RAVER1: variants seen among roughly 807,000 people sequenced by gnomAD.
RAVER1 encodes ribonucleoprotein PTB-binding 1.
In RAVER1, 36 loss-of-function variants were observed where a neutral mutation model predicts 68.4. That is an observed-to-expected ratio of 0.53 (90% CI 0.40 to 0.70). The LOEUF is 0.70. Among genes scored for constraint, RAVER1 ranks in the 30% least tolerant of loss-of-function variants. The pLI, the probability that RAVER1 is intolerant of heterozygous loss-of-function variation, is 0.00. For synonymous variants in RAVER1, 469 were observed against 472.7 expected, an observed-to-expected ratio of 0.99 and a Z score of 0.10; for missense variants, 933 against 1,019.8, an observed-to-expected ratio of 0.91 and a Z score of 1.16.
intron 3 of RAVER1, among the ~76,000 whole-genome samples, chr19:10,325,155 G>A (rs530265631): frequency 5.3e-5 from 8 of 152,150 alleles, no homozygotes; most frequent in Non-Finnish European, 1.2e-4. Context: ...CGAGTAGCTG[G>A]GATTAAAGGC....
intron 3 of RAVER1, among the ~76,000 whole-genome samples, chr19:10,325,673 T>C (rs977254985): frequency 6.6e-6 from 1 of 152,052 alleles, no homozygotes; most frequent in African/African-American, 2.4e-5. Flanking sequence ...CAGCTGGGCA[T>C]GGTGATGCAT....
rs1345152379 is a variant in RAVER1, at chr19:10,328,752, C to A, written c.646G>T (p.Ala216Ser). Residue 216 changes from alanine (A) to serine (S), a missense_variant, in exon 3 of 13, where the codon GCC becomes TCC. Physicochemically the swap from Ala to Ser is moderately conservative, Grantham distance 99. Transcript: ENST00000617231. This position sits in a 1 kb window ranked among gnomAD's most constrained non-coding sequence, Gnocchi z 4.4. ...CAGAGGCAGCGGGAGTGGAGAAGGG[C>A]AGGCGTCAGTTGCCCGGCATCCGTC... ...HWTDAGQLTP[A>S]LLHSRCLCVD... 1 of 1,612,798 alleles carries A rather than the reference C, an allele frequency of 6.2e-7. No homozygotes were observed. Among genetic ancestry groups the A allele is most frequent in the Non-Finnish European group, 8.5e-7 (1 of 1,179,780 alleles).
chr19:10,321,423 T>C (rs1297308794), intron 7 of RAVER1, 108 bp downstream of exon 7: 1 of 997,728 alleles, frequency 1.0e-6, no homozygotes, highest in Non-Finnish European at 1.3e-6. Flanking sequence ...ACCCAACTGA[T>C]GGACAAGGGC....
chr19:10,319,334 G>T, intron 9 of RAVER1, 94 bp from the exon 10 acceptor site: 3 of 1,278,376 alleles, frequency 2.3e-6, no homozygotes, highest in Admixed American at 3.9e-5. Flanking sequence ...AGGGAAGACA[G>T]TCCCCACCAC....
rs898956236 is a variant in RAVER1, at chr19:10,322,649, T to C, written c.1169A>G (p.Gln390Arg). The change falls in exon 6 of 13, where the codon CAG (glutamine) becomes CGG (arginine). Residue 390 changes from glutamine (Q) to arginine (R), a missense_variant. Gln to Arg is a conservative substitution (Grantham distance 43, BLOSUM62 1). Coordinates refer to ENST00000617231, the MANE Select transcript of RAVER1 (RefSeq NM_133452.3). The surrounding 1 kb of genome is among the most constrained non-coding windows in gnomAD (Gnocchi z 4.3). Reference protein sequence around the residue: ...LLQLALQTQGQKKPGILGDSP... With the variant: ...LLQLALQTQGRKKPGILGDSP... ...TGAGGGGGATGCGTGTGTTACCTTC[T>C]GGCCCTGGGTCTGCAGGGCGAGCTG... 8.5e-6 allele frequency: 13 copies of C among 1,536,834 alleles called. No homozygotes were observed. The highest frequency in any genetic ancestry group is 1.1e-5 in the Non-Finnish European group (13 of 1,149,776).
rs191406152 is a variant in RAVER1 at position 10,316,277 on chromosome 19, G to A, written c.*1177C>T. 228 of 1,277,448 alleles carry A rather than the reference G, an allele frequency of 1.8e-4. No homozygotes were observed. The highest frequency in any genetic ancestry group is 6.1e-4 in the Middle Eastern group (2 of 3,300). The allele number at this position is 1,277,448 out of a possible 1,614,324, so 79.1% of individuals were successfully genotyped here. A position where few individuals can be genotyped will look rare whatever the true frequency, so the allele number is the denominator to read the frequency against. ...AGGTCCGTGTGGGGAGACTGGGGTG[G>A]GGTCGGGGGAATAGTCCCCTTGGAG... On this transcript the variant is annotated 3_prime_UTR_variant, in exon 13 of 13. Transcript: ENST00000617231.
Position 10,318,326 on chromosome 19 carries a change from C to T in RAVER1, c.1892G>A (p.Ser631Asn), listed in dbSNP as rs747681327. 3 of 1,603,536 alleles carry T rather than the reference C, an allele frequency of 1.9e-6. No individual in the cohort carries two copies. The highest frequency in any genetic ancestry group is 1.7e-4 in the Middle Eastern group (1 of 6,026). The change falls in exon 11 of 13, where the codon AGT becomes AAT. Residue 631 changes from serine to asparagine, a missense_variant. This residue lies in a region of RAVER1 where 699 missense variants were observed against 731.1 expected (regional missense o/e 0.96). Coordinates refer to ENST00000617231, the MANE Select transcript of RAVER1 (RefSeq NM_133452.3). ...SGFGERSSGG[S>N]GGGPLSHFYS... ...GAAGTGAGACAGGGGGCCCCCGCCA[C>T]TCCCACCGCTGCTCCGTTCGCCGAA...
In RAVER1 at chr19:10,323,144, C is replaced by A. The variant is rs913949744; in HGVS notation, c.1078+1G>T. 3 of 1,590,020 alleles carry A rather than the reference C, an allele frequency of 1.9e-6. No individual in the cohort carries two copies. The highest frequency in any genetic ancestry group is 1.8e-5 in the Admixed American group (1 of 55,834). ...GGGGCCCCTGTCCAGCCCCACCTTA[C>A]CCTGCTTCCCCCCCGCACTGCCATG... is the stretch of plus-strand genomic sequence containing the variant. On this transcript the variant is annotated splice_donor_variant, in intron 5 of 12. Coordinates refer to ENST00000617231, the MANE Select transcript of RAVER1 (RefSeq NM_133452.3). LOFTEE classifies it high-confidence loss of function. The surrounding 1 kb of genome is among the most constrained non-coding windows in gnomAD (Gnocchi z 6.2).
At chr19:10,320,504 T>TAAAAAAAA in intron 9 of RAVER1, 151 bp downstream of exon 9, 2 of 473,924 alleles carry the variant, frequency 4.2e-6, no homozygotes, top group Non-Finnish European at 3.4e-6. Flanking sequence ...ACCCTGTCTC[T>TAAAAAAAA]AAAAAAAAAA....
Position 10,323,179 on chromosome 19 carries a change from G to A in RAVER1, c.1044C>T (p.Asn348=). ...GPSASLQLLL[N]PLLHGSAGGK... ...CCCCCGCACTGCCATGGAGCAGGGG[G>A]TTGAGCAGCAGCTGGAGGGACGCGG... Residue 348 remains asparagine, a synonymous_variant, in exon 5 of 13, where the codon AAC becomes AAT. Coordinates refer to ENST00000617231, the MANE Select transcript of RAVER1 (RefSeq NM_133452.3). This position sits in a 1 kb window ranked among gnomAD's most constrained non-coding sequence, Gnocchi z 6.2. 1.9e-6 allele frequency: 3 copies of A among 1,611,512 alleles called. No homozygotes were observed. The highest frequency in any genetic ancestry group is 1.7e-6 in the Non-Finnish European group (2 of 1,179,012).
rs281425 is a variant in RAVER1 at position 10,321,123 on chromosome 19, G to C, written c.1398C>G (p.Pro466=). The change falls in exon 8 of 13, where the codon CCC becomes CCG. Residue 466 remains proline (P), a synonymous_variant. Transcript: ENST00000617231. ...CAGAGCCTCGGAGCCCCACAGGGGC[G>C]GGGGGAGGAGTGAGCTGGGCCGCTG... ...GPPAAQLTPP[P]APVGLRGSGL... 10 of 1,306,090 alleles carry C rather than the reference G, an allele frequency of 7.7e-6. No individual in the cohort carries two copies. Among genetic ancestry groups the C allele is most frequent in the African/African-American group, 1.5e-5 (1 of 64,758 alleles). 80.9% of individuals were successfully genotyped at this position (1,306,090 alleles called of 1,614,324 possible).
At chr19:10,321,387 T>C (rs1469637063) in intron 7 of RAVER1, 128 bp from the exon 8 acceptor site, 27 of 809,812 alleles carry the variant, frequency 3.3e-5, no homozygotes, top group Non-Finnish European at 4.6e-5. Context: ...TGAGCAGAGC[T>C]CATCCCTGGG....
Position 10,317,373 on chromosome 19 carries a change from TA to T in RAVER1, c.*80del, listed in dbSNP as rs932162869. The T allele has an allele frequency of 1.4e-5, 20 of 1,452,864 alleles. No individual in the cohort carries two copies. Among genetic ancestry groups the T allele is most frequent in the Non-Finnish European group, 1.4e-5 (15 of 1,041,686 alleles). The allele number at this position is 1,452,864 out of a possible 1,614,324, so 90.0% of individuals were successfully genotyped here. A position where few individuals can be genotyped will look rare whatever the true frequency, so the allele number is the denominator to read the frequency against. On this transcript the variant is annotated 3_prime_UTR_variant, in exon 13 of 13. Transcript: ENST00000617231. The surrounding 1 kb of genome is among the most constrained non-coding windows in gnomAD (Gnocchi z 4.3). ...TATTACCGAAAGAGAGAAAATGGTT[TA>T]AAAAAAACACAAAACAAAACATCAG...
rs370119882 is a variant in RAVER1 at position 10,323,559 on chromosome 19, C to A, written c.764G>T (p.Cys255Phe). 1.4e-4 allele frequency: 224 copies of A among 1,583,650 alleles called. No individual in the cohort carries two copies. Among genetic ancestry groups the A allele is most frequent in the Non-Finnish European group, 1.9e-4 (217 of 1,166,136 alleles). Residue 255 changes from cysteine (C) to phenylalanine (F), a missense_variant, in exon 4 of 13, where the codon TGC becomes TTC. By Grantham distance (205) the Cys-to-Phe change is radical (BLOSUM62 -2). This residue lies in a region of RAVER1 where 699 missense variants were observed against 731.1 expected (regional missense o/e 0.96). Coordinates refer to ENST00000617231, the MANE Select transcript of RAVER1 (RefSeq NM_133452.3). This position sits in a 1 kb window ranked among gnomAD's most constrained non-coding sequence, Gnocchi z 6.2. ...VHSPTFCQLA[C>F]GQDGQLKGFA... ...GCCCTTCAGCTGCCCATCCTGGCCG[C>A]ACGCCAGCTGCCGGAGGAAGGCAGG...
At position 10,328,801 on chromosome 19, in the gene RAVER1, T is replaced by C; in HGVS notation, c.597A>G (p.Gly199=). 6.2e-7 allele frequency: 1 copy of C among 1,613,244 alleles called. No homozygotes were observed. The highest frequency in any genetic ancestry group is 1.1e-5 in the South Asian group (1 of 91,086). The change falls in exon 3 of 13, where the codon GGA becomes GGG. Residue 199 remains glycine, a synonymous_variant. Coordinates refer to ENST00000617231, the MANE Select transcript of RAVER1 (RefSeq NM_133452.3). The surrounding 1 kb of genome is among the most constrained non-coding windows in gnomAD (Gnocchi z 4.4). ...AKSDLLGKPL[G]PRTLYVHWTD... Reference sequence around the variant, plus strand: ...TCCAGTGCACGTAGAGGGTGCGTGGTCCCAGCGGCTTGCCCAGCAGGTCCG... The same window carrying C: ...TCCAGTGCACGTAGAGGGTGCGTGGCCCCAGCGGCTTGCCCAGCAGGTCCG...
In RAVER1 at chr19:10,321,244, G is replaced by A. The variant is rs553388484; in HGVS notation, c.1277C>T (p.Pro426Leu). 3.9e-4 allele frequency: 503 copies of A among 1,276,462 alleles called. No homozygotes were observed. Among genetic ancestry groups the A allele is most frequent in the Middle Eastern group, 1.5e-3 (5 of 3,340 alleles). 79.1% of individuals were successfully genotyped at this position (1,276,462 alleles called of 1,614,324 possible). A position where few individuals can be genotyped will look rare whatever the true frequency, so the allele number is the denominator to read the frequency against. ...CTTCCCTCGCCGGGGCGGCAGCTCC[G>A]GGGGCAGGCCCCCTCCTAGGGAGGG... is the stretch of plus-strand genomic sequence containing the variant. Reference protein sequence around the residue: ...GELPAGGGLPPELPPRRGKPP... With the variant: ...GELPAGGGLPLELPPRRGKPP... Residue 426 changes from proline (P) to leucine (L), a missense_variant, in exon 8 of 13, where the codon CCG becomes CTG. Pro to Leu is a moderately conservative substitution (Grantham distance 98). This residue lies in a region of RAVER1 where 699 missense variants were observed against 731.1 expected (regional missense o/e 0.96). Coordinates refer to ENST00000617231, the MANE Select transcript of RAVER1 (RefSeq NM_133452.3).
At position 10,323,835 on chromosome 19, in the gene RAVER1, G is replaced by C. The variant is rs2040456371; in HGVS notation, c.757-269C>G. 6.6e-6 allele frequency among the ~76,000 whole-genome samples: 1 copy of C among 152,152 alleles called. No individual in the cohort carries two copies. The highest frequency in any genetic ancestry group is 2.4e-5 in the African/African-American group (1 of 41,442). Reference sequence around the variant, plus strand: ...ACACAGCTGGAGGGAGGGCGGAGCTGGGAGCCACCTCACCAACAAAGCCAA... The same window carrying C: ...ACACAGCTGGAGGGAGGGCGGAGCTCGGAGCCACCTCACCAACAAAGCCAA... On this transcript the variant is annotated intron_variant, in intron 3 of 12. Coordinates refer to ENST00000617231, the MANE Select transcript of RAVER1 (RefSeq NM_133452.3). The surrounding 1 kb of genome is among the most constrained non-coding windows in gnomAD (Gnocchi z 6.2).
rs113999435 is a variant in RAVER1, at chr19:10,316,402, C to T, written c.*1052G>A. On this transcript the variant is annotated 3_prime_UTR_variant, in exon 13 of 13. Transcript: ENST00000617231. The stretch of plus-strand genomic sequence containing the variant: ...CAGGTCGACAGGTCCTGCTGGTGGG[C>T]GGGCCCAGAGTTTATCTTCATGGAG... 6.1e-5 allele frequency: 63 copies of T among 1,036,140 alleles called. No homozygotes were observed. In the African/African-American group the frequency reaches 6.5e-4, roughly 11 times the overall value. The allele number at this position is 1,036,140 out of a possible 1,614,324, so 64.2% of individuals were successfully genotyped here. A position where few individuals can be genotyped will look rare whatever the true frequency, so the allele number is the denominator to read the frequency against.
chr19:10,329,630 C>T lies in RAVER1; in HGVS notation c.287-519G>A, dbSNP rs1160211545. On this transcript the variant is annotated intron_variant, in intron 2 of 12. Coordinates refer to ENST00000617231, the MANE Select transcript of RAVER1 (RefSeq NM_133452.3). This position sits in a 1 kb window ranked among gnomAD's most constrained non-coding sequence, Gnocchi z 4.6. ...CCGGACTCCAGAGGCCCACTCTACA[C>T]ACTGCCCACCCCTGCCACCTTTCCA... is the stretch of plus-strand genomic sequence containing the variant. Among the ~76,000 whole-genome samples the T allele has an allele frequency of 6.6e-6, 1 of 152,302 alleles. No individual in the cohort carries two copies. Among genetic ancestry groups the T allele is most frequent in the Non-Finnish European group, 1.5e-5 (1 of 68,036 alleles).
Sources: allele counts gnomAD v4.1 joint callset (sites outside exome capture counted in the v4.1 genomes callset), GRCh38; gene constraint gnomAD v4.1.1; regional missense constraint gnomAD v4.1.1; non-coding constraint Gnocchi (gnomAD v3.1); transcripts MANE v1.5; gene names NCBI Gene and HGNC (gene_info 2026-07-23, HGNC 2026-07-21).